The following PPFIA2 variants were observed in gnomAD, a reference collection of about 807,000 sequenced individuals.
The protein encoded by PPFIA2 is liprin-alpha-2.
In PPFIA2, 46 loss-of-function variants were observed where a neutral mutation model predicts 175.5. The ratio of observed to expected loss-of-function variants is 0.26; its 90% CI spans 0.21 to 0.34. PPFIA2 has a LOEUF of 0.34. Among genes scored for constraint, PPFIA2 ranks in the 10% least tolerant of loss-of-function variants. The pLI is 1.00. For missense variants in PPFIA2, 1,179 were observed against 1,506.1 expected (o/e 0.78, Z 3.60); for synonymous variants, 568 against 511.4 (o/e 1.11, Z -1.49).
chr12:81,400,898 C>T (rs1375923875), intron 8 of PPFIA2, among the ~76,000 whole-genome samples: 1 of 152,096 alleles, frequency 6.6e-6, no homozygotes, highest in Non-Finnish European at 1.5e-5. Context: ...CTCCACTCTT[C>T]GATCTATGAA....
At chr12:81,535,933 A>G (rs2065304589) in intron 4 of PPFIA2, among the ~76,000 whole-genome samples, 1 of 151,810 alleles carries the variant, frequency 6.6e-6, no homozygotes, top group Admixed American at 6.6e-5. Flanking sequence ...ACAAGGTAAC[A>G]TCTAGGAAGA....
intron 4 of PPFIA2, among the ~76,000 whole-genome samples, chr12:81,481,059 C>T (rs2058154044): frequency 6.6e-6 from 1 of 152,114 alleles, no homozygotes; most frequent in Admixed American, 6.6e-5. Context: ...GATACAAAAC[C>T]AATGTGTAAA....
At chr12:81,516,858 A>C (rs2062510612) in intron 4 of PPFIA2, among the ~76,000 whole-genome samples, 1 of 152,094 alleles carries the variant, frequency 6.6e-6, no homozygotes, top group African/African-American at 2.4e-5. Context: ...TTCTTATGTT[A>C]ACTTTTTTGG....
intron 3 of PPFIA2, among the ~76,000 whole-genome samples, chr12:81,699,491 A>G (rs1014847298): frequency 6.6e-6 from 1 of 151,774 alleles, no homozygotes; most frequent in East Asian, 1.9e-4. Context: ...TCATAGTCAT[A>G]GTAATATTAT....
intron 4 of PPFIA2, among the ~76,000 whole-genome samples, chr12:81,618,355 T>C (rs950094405): frequency 6.6e-6 from 1 of 151,962 alleles, no homozygotes; most frequent in Non-Finnish European, 1.5e-5. Flanking sequence ...CAGTTTGGCA[T>C]AGAGTTGTCA....
At chr12:81,598,243 G>A in intron 4 of PPFIA2, 1 of 1,347,588 alleles carries the variant, frequency 7.4e-7, no homozygotes, top group Non-Finnish European at 9.5e-7. Context: ...GACCTTTTGT[G>A]AAGCTAGTTC....
chr12:81,596,499 G>A (rs1022107897), intron 4 of PPFIA2, among the ~76,000 whole-genome samples: 1 of 151,968 alleles, frequency 6.6e-6, no homozygotes, highest in Non-Finnish European at 1.5e-5. Context: ...ACAAAAAGGG[G>A]GTAGTTAAAA....
chr12:81,446,796 A>C (rs1331321451), intron 5 of PPFIA2, among the ~76,000 whole-genome samples: 1 of 152,222 alleles, frequency 6.6e-6, no homozygotes, highest in Admixed American at 6.5e-5. Flanking sequence ...CTAAAAGTTT[A>C]ACTGTAATGA....
At chr12:81,552,608 T>C (rs2068113561) in intron 4 of PPFIA2, among the ~76,000 whole-genome samples, 2 of 152,020 alleles carry the variant, frequency 1.3e-5, no homozygotes, top group South Asian at 2.1e-4. Flanking sequence ...ATGAAAAATA[T>C]GAATCTTTTG....
At chr12:81,637,155 T>TG (rs1246217164) in intron 4 of PPFIA2, among the ~76,000 whole-genome samples, 1 of 148,140 alleles carries the variant, frequency 6.8e-6, no homozygotes, top group African/African-American at 2.5e-5. Flanking sequence ...CTGCAACCTC[T>TG]GTCTCCTGGG....
rs1221518619 is a variant in PPFIA2 at position 81,261,967 on chromosome 12, C to T, written c.*15G>A. ...TACTCACAGCAGGTCAGTGCTGCCT[C>T]CTTTGAGTGGCTGGTCAACATGAGT... On this transcript the variant is annotated 3_prime_UTR_variant, in exon 32 of 33. Transcript: ENST00000549396. 1 of 1,599,570 alleles carries T rather than the reference C, an allele frequency of 6.3e-7. No homozygotes were observed. The highest frequency in any genetic ancestry group is 8.5e-7 in the Non-Finnish European group (1 of 1,172,326).
intron 3 of PPFIA2, among the ~76,000 whole-genome samples, chr12:81,734,289 T>C (rs1047671881): frequency 2.6e-5 from 4 of 151,730 alleles, no homozygotes; most frequent in African/African-American, 9.7e-5. Context: ...GATATGCACA[T>C]ATAAGGAAAA....
At position 81,480,485 on chromosome 12, in the gene PPFIA2, G is replaced by A. The variant is rs138180179; in HGVS notation, c.304-22619C>T. On this transcript the variant is annotated intron_variant, in intron 4 of 32. Coordinates refer to ENST00000549396, the MANE Select transcript of PPFIA2 (RefSeq NM_003625.5). ...GGAGCTGTGATCCTTTGGAGGAGAAGAGACATATTGGTTTTGGGAATATTC... is the reference window on the plus strand; with the variant it reads ...GGAGCTGTGATCCTTTGGAGGAGAAAAGACATATTGGTTTTGGGAATATTC... 6.6e-4 allele frequency among the ~76,000 whole-genome samples: 101 copies of A among 152,232 alleles called. 1 individual carries two copies. The East Asian group carries it at 0.016, about 25-fold the overall frequency.
chr12:81,519,748 AT>A (rs2062884324), intron 4 of PPFIA2, among the ~76,000 whole-genome samples: 1 of 152,194 alleles, frequency 6.6e-6, no homozygotes. Context: ...AGAACTTATA[AT>A]AACGAAGAAA....
At chr12:81,718,631 T>C (rs2078948531) in intron 3 of PPFIA2, among the ~76,000 whole-genome samples, 1 of 151,636 alleles carries the variant, frequency 6.6e-6, no homozygotes, top group African/African-American at 2.4e-5. Context: ...GAAAATCTCT[T>C]TGAAGATAAA....
At chr12:81,512,040 T>C (rs2061851754) in intron 4 of PPFIA2, among the ~76,000 whole-genome samples, 1 of 152,036 alleles carries the variant, frequency 6.6e-6, no homozygotes, top group African/African-American at 2.4e-5. Flanking sequence ...ACTAAATAAA[T>C]CAGAGGTGCA....
At chr12:81,743,689 C>T (rs67711013) in intron 3 of PPFIA2, among the ~76,000 whole-genome samples, 24,228 of 151,884 alleles carry the variant, frequency 0.16, 2,008 homozygotes, top group Middle Eastern at 0.24. Flanking sequence ...TTTCTAGGAA[C>T]ATGTACAGTT....
Position 81,642,727 on chromosome 12 carries a change from A to ACATTATGTATATATTATATACATG in PPFIA2, c.303+34063_303+34064insCATGTATATAATATATACATAATG, listed in dbSNP as rs2065308787. 2.5e-5 allele frequency among the ~76,000 whole-genome samples: 2 copies of ACATTATGTATATATTATATACATG among 81,276 alleles called. 1 individual carries two copies. Among genetic ancestry groups the ACATTATGTATATATTATATACATG allele is most frequent in the Non-Finnish European group, 5.3e-5 (2 of 37,646 alleles). The allele number at this position is 81,276 out of a possible 152,430, so 53.3% of individuals were successfully genotyped here. On this transcript the variant is annotated intron_variant, in intron 4 of 32. Coordinates refer to ENST00000549396, the MANE Select transcript of PPFIA2 (RefSeq NM_003625.5). ...ATATGTATGTATGTATTATATACATACATGTATATGTATGTATGTATTATA... is the reference window on the plus strand; with the variant it reads ...ATATGTATGTATGTATTATATACATACATTATGTATATATTATATACATGCATGTATATGTATGTATGTATTATA...
At chr12:81,458,802 A>T (rs981775966) in intron 4 of PPFIA2, among the ~76,000 whole-genome samples, 1 of 152,128 alleles carries the variant, frequency 6.6e-6, no homozygotes, top group Non-Finnish European at 1.5e-5. Context: ...AATATAGTAA[A>T]TAGATCCATA....
Sources: allele counts gnomAD v4.1 joint callset (sites outside exome capture counted in the v4.1 genomes callset), GRCh38; gene constraint gnomAD v4.1.1; transcripts MANE v1.5; gene names NCBI Gene and HGNC (gene_info 2026-07-23, HGNC 2026-07-21).